The following ZFP14 variants were observed in gnomAD, a reference collection of about 807,000 sequenced individuals.
ZFP14 encodes the protein zinc finger protein 14 homolog.
A neutral mutation model predicts 54.5 loss-of-function variants in ZFP14; 22 were observed. The ratio of observed to expected loss-of-function variants is 0.40; its 90% CI spans 0.29 to 0.58. The LOEUF (loss-of-function observed/expected upper bound fraction) is 0.58, where lower values mean the gene tolerates loss of function less well. ZFP14 is among the 20% of genes least tolerant of loss of function. The probability of loss-of-function intolerance (pLI) is 0.39; values close to 1 mark genes in which losing one functional copy is unlikely to be tolerated. For synonymous variants in ZFP14, 159 were observed against 204.0 expected (o/e 0.78, Z 1.88); for missense variants, 470 against 637.8 (o/e 0.74, Z 2.83).
In ZFP14 at chr19:36,341,502, T is replaced by A. The variant is rs1408879272; in HGVS notation, c.324A>T (p.Arg108Ser). ...IYSFQWDIME[R>S]IKSYSLQGSI... ...AACCCTGAAGGCTATAGCTTTTAAT[T>A]CTTTCCATTATATCCCACTGAAATG... The change falls in exon 5 of 5, where the codon AGA becomes AGT. Residue 108 changes from arginine to serine, a missense_variant. By Grantham distance (110) the Arg-to-Ser change is moderately radical. Coordinates refer to ENST00000270001, the MANE Select transcript of ZFP14 (RefSeq NM_020917.3). The surrounding 1 kb of genome is among the most constrained non-coding windows in gnomAD (Gnocchi z 4.2). 1 of 1,613,524 alleles carries A rather than the reference T, an allele frequency of 6.2e-7. No individual in the cohort carries two copies. Among genetic ancestry groups the A allele is most frequent in the Admixed American group, 1.7e-5 (1 of 59,860 alleles).
intron 1 of ZFP14, among the ~76,000 whole-genome samples, chr19:36,368,329 G>A (rs1027272033): frequency 1.3e-5 from 2 of 152,186 alleles, no homozygotes; most frequent in African/African-American, 2.4e-5. Context: ...TTAGCTGGGC[G>A]TGGTGGCACA....
intron 1 of ZFP14, among the ~76,000 whole-genome samples, 168 bp downstream of exon 1, chr19:36,378,995 G>C (rs2032007223): frequency 2.0e-5 from 3 of 152,302 alleles, no homozygotes; most frequent in East Asian, 1.9e-4. Context: ...ATTCCGGGCC[G>C]CTGGACCTGG....
chr19:36,372,318 G>T (rs759449870), intron 1 of ZFP14, among the ~76,000 whole-genome samples: 60 of 147,372 alleles, frequency 4.1e-4, no homozygotes, highest in Non-Finnish European at 7.5e-4. Context: ...TTTTTTTTTT[G>T]AAAAAAGAAA....
chr19:36,362,355 T>C (rs1413479872), intron 2 of ZFP14, 117 bp from the exon 3 acceptor site: 3 of 1,137,068 alleles, frequency 2.6e-6, no homozygotes, highest in African/African-American at 3.2e-5. Flanking sequence ...CAAACAGCAT[T>C]GGGCTGAAAA....
At chr19:36,377,546 T>TAA (rs60132379) in intron 1 of ZFP14, among the ~76,000 whole-genome samples, 2,931 of 137,424 alleles carry the variant, frequency 0.021, 96 homozygotes, top group African/African-American at 0.062. Flanking sequence ...ACCCTGTCTC[T>TAA]AAAAAAAAAA....
intron 1 of ZFP14, among the ~76,000 whole-genome samples, chr19:36,369,650 A>C (rs1399468693): frequency 6.6e-6 from 1 of 151,788 alleles, no homozygotes; most frequent in East Asian, 1.9e-4. Flanking sequence ...ACCTCAATTG[A>C]TCCACCCGCC....
At position 36,341,311 on chromosome 19, in the gene ZFP14, T is replaced by C; in HGVS notation, c.515A>G (p.Tyr172Cys). ...GGTCTTCCTACACTCCTTACACTCA[T>C]ACACCTTTTCTCCATTATGAACGAT... Reference protein sequence around the residue: ...YQIVHNGEKVYECKECRKTFI... With the variant: ...YQIVHNGEKVCECKECRKTFI... Residue 172 changes from tyrosine (Y) to cysteine (C), a missense_variant, in exon 5 of 5, where the codon TAT becomes TGT. Coordinates refer to ENST00000270001, the MANE Select transcript of ZFP14 (RefSeq NM_020917.3). This position sits in a 1 kb window ranked among gnomAD's most constrained non-coding sequence, Gnocchi z 4.2. 1 of 1,614,230 alleles carries C rather than the reference T, an allele frequency of 6.2e-7. No individual in the cohort carries two copies. The highest frequency in any genetic ancestry group is 8.5e-7 in the Non-Finnish European group (1 of 1,180,042).
At chr19:36,369,095 GC>G (rs563704049) in intron 1 of ZFP14, among the ~76,000 whole-genome samples, 8 of 152,152 alleles carry the variant, frequency 5.3e-5, no homozygotes, top group Non-Finnish European at 1.0e-4. Flanking sequence ...GCCCGCCTCG[GC>G]CTCCCAAAGG....
intron 3 of ZFP14, among the ~76,000 whole-genome samples, chr19:36,361,337 TC>T (rs1265141646): frequency 6.6e-6 from 1 of 152,038 alleles, no homozygotes; most frequent in African/African-American, 2.4e-5. Context: ...TCTCCCAGCT[TC>T]CAGGAATTCT....
intron 1 of ZFP14, among the ~76,000 whole-genome samples, chr19:36,375,384 ATTTTTTT>A (rs747537579): frequency 7.8e-6 from 1 of 128,746 alleles, no homozygotes. Context: ...GCAGGAAGGA[ATTTTTTT>A]TTTTTTTTTT....
intron 1 of ZFP14, among the ~76,000 whole-genome samples, chr19:36,369,628 C>G (rs1237275284): frequency 2.6e-5 from 4 of 152,024 alleles, no homozygotes; most frequent in African/African-American, 9.7e-5. Context: ...CCAGGCTGGT[C>G]TCGAACTCCT....
chr19:36,341,264 T>TA lies in ZFP14; in HGVS notation c.561dup (p.Ser188Ter). The TA allele has an allele frequency of 6.2e-7, 1 of 1,614,214 alleles. No homozygotes were observed. The highest frequency in any genetic ancestry group is 8.5e-7 in the Non-Finnish European group (1 of 1,180,038). On this transcript the variant is annotated frameshift_variant, in exon 5 of 5. Transcript: ENST00000270001. LOFTEE classifies it high-confidence loss of function. This position sits in a 1 kb window ranked among gnomAD's most constrained non-coding sequence, Gnocchi z 4.2. ...CCAGTATGAATTCTCAGGTGTTGAC[T>TA]AAGTGTTGAGCGACGAATAAAGGTC...
chr19:36,354,384 A>G (rs2031580779), intron 4 of ZFP14, among the ~76,000 whole-genome samples: 1 of 140,040 alleles, frequency 7.1e-6, no homozygotes, highest in African/African-American at 2.6e-5. Flanking sequence ...AAAAAAAAAA[A>G]AAAGTCAAAT....
At chr19:36,369,080 G>A (rs2031840366) in intron 1 of ZFP14, among the ~76,000 whole-genome samples, 1 of 152,204 alleles carries the variant, frequency 6.6e-6, no homozygotes, top group African/African-American at 2.4e-5. Flanking sequence ...GACCTCAGGT[G>A]ATCCGCCCGC....
At chr19:36,374,481 C>A in intron 1 of ZFP14, among the ~76,000 whole-genome samples, 1 of 134,450 alleles carries the variant, frequency 7.4e-6, no homozygotes, top group African/African-American at 2.8e-5. Flanking sequence ...CAGAGGGAGA[C>A]TCTGTCTCAA....
rs1194966514 is a variant in ZFP14 at position 36,339,985 on chromosome 19, G to A, written c.*239C>T. Reference sequence around the variant, plus strand: ...AATAAATCAAACTGGTAATCAAGTGGAGAAAGGGAGATAATGACAGATAAG... The same window carrying A: ...AATAAATCAAACTGGTAATCAAGTGAAGAAAGGGAGATAATGACAGATAAG... On this transcript the variant is annotated 3_prime_UTR_variant, in exon 5 of 5. Transcript: ENST00000270001. 5.3e-6 allele frequency: 2 copies of A among 377,050 alleles called. No individual in the cohort carries two copies. Among genetic ancestry groups the A allele is most frequent in the Non-Finnish European group, 9.3e-6 (2 of 214,430 alleles). The allele number at this position is 377,050 out of a possible 1,614,324, so 23.4% of individuals were successfully genotyped here.
At position 36,352,667 on chromosome 19, in the gene ZFP14, C is replaced by T. The variant is rs764962691; in HGVS notation, c.235+7768G>A. Among the ~76,000 whole-genome samples, 5 of 142,198 alleles carry T rather than the reference C, an allele frequency of 3.5e-5. 1 individual carries two copies. The highest frequency in any genetic ancestry group is 5.2e-5 in the African/African-American group (2 of 38,784). The allele number at this position is 142,198 out of a possible 152,430, so 93.3% of individuals were successfully genotyped here. A position where few individuals can be genotyped will look rare whatever the true frequency, so the allele number is the denominator to read the frequency against. Reference sequence around the variant, plus strand: ...TTAAAAATTAGCCATGTGGGCTGGGCGCGGTGGCTCACACCTGTAATCCCA... The same window carrying T: ...TTAAAAATTAGCCATGTGGGCTGGGTGCGGTGGCTCACACCTGTAATCCCA... On this transcript the variant is annotated intron_variant, in intron 4 of 4. Coordinates refer to ENST00000270001, the MANE Select transcript of ZFP14 (RefSeq NM_020917.3).
rs771694947 is a variant in ZFP14 at position 36,336,670 on chromosome 19, G to A, written c.*3554C>T. On this transcript the variant is annotated 3_prime_UTR_variant, in exon 5 of 5. Transcript: ENST00000270001. ...GTTGCTGCTGTGGGTAAGTGAAGAA[G>A]ATGAAGACTGTATCCACAAATAAGA... 6.6e-6 allele frequency: 1 copy of A among 152,216 alleles called. No individual in the cohort carries two copies. Among genetic ancestry groups the A allele is most frequent in the Admixed American group, 6.5e-5 (1 of 15,272 alleles). 9.4% of individuals were successfully genotyped at this position (152,216 alleles called of 1,614,324 possible).
intron 4 of ZFP14, among the ~76,000 whole-genome samples, chr19:36,349,349 T>G (rs1184873884): frequency 2.0e-5 from 3 of 149,646 alleles, no homozygotes; most frequent in African/African-American, 7.3e-5. Context: ...TAATTAATAA[T>G]TCCCTTAACG....
Sources: gnomAD v4.1 joint callset for allele counts (sites outside exome capture counted in the v4.1 genomes callset) on GRCh38, gnomAD v4.1.1 for gene constraint, Gnocchi (gnomAD v3.1) non-coding constraint, MANE v1.5 for transcripts, NCBI Gene and HGNC (gene_info 2026-07-23, HGNC 2026-07-21) for gene names.